CSMD3: variants seen among roughly 807,000 people sequenced by gnomAD.
The protein encoded by CSMD3 is CUB and Sushi multiple domains 3, also known as CUB and sushi domain-containing protein 3.
CSMD3 carries 177 observed loss-of-function variants against 435.2 expected under a neutral mutation model. The ratio of observed to expected loss-of-function variants is 0.41; its 90% CI spans 0.36 to 0.46. The LOEUF is 0.46. CSMD3 is among the 20% of genes least tolerant of loss of function. The pLI is 0.34. For missense variants in CSMD3, 4,265 were observed against 4,504.6 expected (o/e 0.95, Z 1.52); for synonymous variants, 1,656 against 1,520.5 (o/e 1.09, Z -2.07).
chr8:112,758,211 A>G (rs1487161309), intron 13 of CSMD3, among the ~76,000 whole-genome samples: 2 of 151,954 alleles, frequency 1.3e-5, no homozygotes, highest in East Asian at 1.9e-4. Context: ...AAAATTAGCC[A>G]GGCATGGTGG....
At chr8:112,570,744 CG>C (rs1682826235) in intron 24 of CSMD3, among the ~76,000 whole-genome samples, 1 of 152,066 alleles carries the variant, frequency 6.6e-6, no homozygotes, top group Admixed American at 6.6e-5. Flanking sequence ...AAGCCCTTTC[CG>C]AGAGAATACA....
intron 32 of CSMD3, among the ~76,000 whole-genome samples, chr8:112,468,058 T>C (rs576060695): frequency 6.6e-6 from 1 of 152,112 alleles, no homozygotes; most frequent in African/African-American, 2.4e-5. Flanking sequence ...TGAAGAGAGA[T>C]AGAGGTGGGA....
At chr8:112,416,185 G>GT (rs1334357421) in intron 32 of CSMD3, among the ~76,000 whole-genome samples, 11 of 152,172 alleles carry the variant, frequency 7.2e-5, no homozygotes, top group Non-Finnish European at 1.3e-4. Context: ...CCAGTGAGAG[G>GT]TAACTGAATC....
intron 40 of CSMD3, among the ~76,000 whole-genome samples, chr8:112,349,952 T>C (rs1255295107): frequency 6.6e-6 from 1 of 152,050 alleles, no homozygotes; most frequent in South Asian, 2.1e-4. Context: ...ATGAAGGTAC[T>C]TAAGGTTAAA....
chr8:112,833,996 C>A (rs2079952414), intron 11 of CSMD3, among the ~76,000 whole-genome samples: 1 of 151,802 alleles, frequency 6.6e-6, no homozygotes, highest in Non-Finnish European at 1.5e-5. Flanking sequence ...TAAATGACTG[C>A]CTAATTGATT....
intron 13 of CSMD3, among the ~76,000 whole-genome samples, chr8:112,766,872 C>A (rs1326390697): frequency 6.6e-6 from 1 of 151,768 alleles, no homozygotes; most frequent in Non-Finnish European, 1.5e-5. Context: ...GGGTTTAAAT[C>A]CCTGCTCAAC....
chr8:112,457,517 T>A (rs1816960358), intron 32 of CSMD3, among the ~76,000 whole-genome samples: 1 of 152,116 alleles, frequency 6.6e-6, no homozygotes, highest in Non-Finnish European at 1.5e-5. Flanking sequence ...AAAGCTCTTA[T>A]ATGAAATGAT....
chr8:112,550,415 A>G (rs1827576261), intron 27 of CSMD3, among the ~76,000 whole-genome samples: 1 of 151,826 alleles, frequency 6.6e-6, no homozygotes, highest in Admixed American at 6.6e-5. Context: ...TAGCTGAGTA[A>G]TTTAACACCA....
chr8:113,289,289 C>A (rs139720682), intron 2 of CSMD3, among the ~76,000 whole-genome samples: 3 of 151,726 alleles, frequency 2.0e-5, no homozygotes, highest in African/African-American at 4.8e-5. Context: ...TTCTTCTTGA[C>A]GCACTACATT....
chr8:112,702,413 A>G (rs2076407650), intron 13 of CSMD3, among the ~76,000 whole-genome samples: 1 of 152,150 alleles, frequency 6.6e-6, no homozygotes, highest in Non-Finnish European at 1.5e-5. Flanking sequence ...CAATCACAAA[A>G]TCTCATAGTT....
At chr8:112,611,564 T>C (rs1275131680) in intron 22 of CSMD3, among the ~76,000 whole-genome samples, 1 of 152,202 alleles carries the variant, frequency 6.6e-6, no homozygotes, top group Non-Finnish European at 1.5e-5. Context: ...TAAGTATTGA[T>C]AGTGTTTAGC....
intron 23 of CSMD3, among the ~76,000 whole-genome samples, chr8:112,585,237 G>A (rs2131345201): frequency 6.6e-6 from 1 of 151,482 alleles, no homozygotes; most frequent in African/African-American, 2.4e-5. Context: ...AATTGAATTG[G>A]TGTGTTTCTA....
intron 59 of CSMD3, among the ~76,000 whole-genome samples, chr8:112,278,042 T>C (rs2130546803): frequency 6.6e-6 from 1 of 152,302 alleles, no homozygotes; most frequent in Non-Finnish European, 1.5e-5. Context: ...AGTCTTACCA[T>C]GTGGGTAATC....
intron 45 of CSMD3, among the ~76,000 whole-genome samples, chr8:112,329,206 C>T (rs1210769258): frequency 6.6e-6 from 1 of 152,086 alleles, no homozygotes; most frequent in Admixed American, 6.6e-5. Context: ...ATAGACCTGG[C>T]TCTAATTGAT....
At chr8:112,255,189 C>A (rs2130271831) in intron 62 of CSMD3, 65 bp downstream of exon 62, 2 of 1,347,914 alleles carry the variant, frequency 1.5e-6, no homozygotes, top group Non-Finnish European at 1.1e-6. Context: ...ATAAAGAAAA[C>A]CATTAAATGT....
In CSMD3 at chr8:113,210,388, T is replaced by C. The variant is rs192849894; in HGVS notation, c.515-36472A>G. On this transcript the variant is annotated intron_variant, in intron 3 of 70. Transcript: ENST00000297405. ...TAATTTATTAAAATAATAATTCTCT[T>C]CACAAACTAAATTTAGAATACATAT... Among the ~76,000 whole-genome samples the C allele has an allele frequency of 2.6e-5, 4 of 152,174 alleles. No individual in the cohort carries two copies. The East Asian group carries it at 7.8e-4, about 29-fold the overall frequency.
At chr8:112,319,004 T>C (rs1822737508) in intron 46 of CSMD3, 54 bp from the exon 47 acceptor site, 1 of 986,962 alleles carries the variant, frequency 1.0e-6, no homozygotes, top group African/African-American at 1.6e-5. Context: ...ATGATAAAAA[T>C]AAACAAATAT....
At chr8:113,195,305 T>C (rs72687627) in intron 3 of CSMD3, among the ~76,000 whole-genome samples, 9,825 of 150,186 alleles carry the variant, frequency 0.065, 432 homozygotes, top group Non-Finnish European at 0.094. Context: ...TTGAAGTCTC[T>C]GGAACAGAAG....
intron 23 of CSMD3, among the ~76,000 whole-genome samples, chr8:112,585,459 T>C (rs940217734): frequency 6.6e-6 from 1 of 151,442 alleles, no homozygotes; most frequent in Non-Finnish European, 1.5e-5. Context: ...TCCCCTTGTG[T>C]TGTCACTTAT....
Sources: allele counts gnomAD v4.1 joint callset (sites outside exome capture counted in the v4.1 genomes callset), GRCh38; gene constraint gnomAD v4.1.1; transcripts MANE v1.5; gene names NCBI Gene and HGNC (gene_info 2026-07-23, HGNC 2026-07-21).